Variants in CIMIP5 observed in about 807,000 individuals in gnomAD.
The protein encoded by CIMIP5 is uncharacterized protein C2orf50.
the CIMIP5 span, among the ~76,000 whole-genome samples, chr2:11,148,664 TAAC>T: frequency 2.9e-4 from 43 of 148,564 alleles, no homozygotes; most frequent in Admixed American, 6.0e-4. Flanking sequence ...TTAATAATAA[TAAC>T]AATAACAAAT....
chr2:11,149,716 T>G, the CIMIP5 span, among the ~76,000 whole-genome samples: 2 of 150,586 alleles, frequency 1.3e-5, no homozygotes, highest in Non-Finnish European at 2.9e-5. Context: ...CAAAAAAAAT[T>G]AATTAATTAA....
chr2:11,138,654 A>C, the CIMIP5 span, among the ~76,000 whole-genome samples: 1 of 152,076 alleles, frequency 6.6e-6, no homozygotes, highest in South Asian at 2.1e-4. Context: ...GCTTCTCATA[A>C]ATGGTTTATA....
the CIMIP5 span, among the ~76,000 whole-genome samples, chr2:11,150,651 T>A: frequency 6.6e-6 from 1 of 151,352 alleles, no homozygotes; most frequent in Non-Finnish European, 1.5e-5. Flanking sequence ...TTTTTTTTTT[T>A]AATGAAGGTG....
the CIMIP5 span, among the ~76,000 whole-genome samples, chr2:11,138,667 A>G: frequency 6.6e-6 from 1 of 152,104 alleles, no homozygotes; most frequent in Non-Finnish European, 1.5e-5. Context: ...GGTTTATACC[A>G]TCCCCATGGT....
At chr2:11,134,204 A>C in the CIMIP5 span, among the ~76,000 whole-genome samples, 1 of 131,086 alleles carries the variant, frequency 7.6e-6, no homozygotes, top group Non-Finnish European at 1.8e-5. Context: ...AAATAGGAGA[A>C]GGAGCCAAGA....
the CIMIP5 span, among the ~76,000 whole-genome samples, chr2:11,142,252 G>A: frequency 5.0e-5 from 5 of 99,762 alleles, no homozygotes. Flanking sequence ...GGCAACAAGA[G>A]CAAAATTCAG....
At chr2:11,144,686 G>A in the CIMIP5 span, 3 of 152,262 alleles carry the variant, frequency 2.0e-5, no homozygotes, top group South Asian at 6.2e-4. Context: ...AGTTTCTCAA[G>A]GCAGCCTGTA....
chr2:11,133,645 G>A, the CIMIP5 span: 1 of 1,546,524 alleles, frequency 6.5e-7, no homozygotes, highest in African/African-American at 1.4e-5. Context: ...ACTGCAAGTT[G>A]GGGAAGGTTT....
chr2:11,136,186 T>C, the CIMIP5 span, among the ~76,000 whole-genome samples: 3 of 152,358 alleles, frequency 2.0e-5, no homozygotes, highest in Admixed American at 1.3e-4. Flanking sequence ...GTGTGGCATA[T>C]CCATGGAATA....
At chr2:11,143,362 C>T in the CIMIP5 span, among the ~76,000 whole-genome samples, 2 of 151,954 alleles carry the variant, frequency 1.3e-5, no homozygotes, top group Admixed American at 6.6e-5. Context: ...CCAGGCAAAG[C>T]TAATGCGTGG....
the CIMIP5 span, among the ~76,000 whole-genome samples, chr2:11,138,355 A>G: frequency 3.3e-5 from 5 of 152,230 alleles, no homozygotes; most frequent in East Asian, 9.6e-4. Context: ...TGCACTCCTT[A>G]GTTCACCAGG....
At chr2:11,142,959 T>G in the CIMIP5 span, among the ~76,000 whole-genome samples, 3 of 152,144 alleles carry the variant, frequency 2.0e-5, no homozygotes, top group Admixed American at 6.6e-5. Flanking sequence ...CCGCCAAGGC[T>G]TCTCAAAGTG....
the CIMIP5 span, chr2:11,140,411 T>A: frequency 5.7e-6 from 4 of 696,546 alleles, no homozygotes; most frequent in Non-Finnish European, 4.6e-6. Context: ...ATTTAGTTCT[T>A]CCACGTGATA....
chr2:11,143,719 G>T, the CIMIP5 span, among the ~76,000 whole-genome samples: 1 of 152,164 alleles, frequency 6.6e-6, no homozygotes, highest in African/African-American at 2.4e-5. Flanking sequence ...CTGGGGAAGG[G>T]GAAGTGGAGG....
At chr2:11,133,213 C>T in the CIMIP5 span, 1 of 1,257,214 alleles carries the variant, frequency 8.0e-7, no homozygotes, top group African/African-American at 1.6e-5. Flanking sequence ...AGGACCCTGC[C>T]CAGGCTCTCC....
the CIMIP5 span, among the ~76,000 whole-genome samples, chr2:11,153,674 C>T: frequency 7.9e-5 from 12 of 152,182 alleles, no homozygotes; most frequent in African/African-American, 1.9e-4. Context: ...ACGCTGGGCG[C>T]GGTGGCTCAT....
chr2:11,149,674 TC>T, the CIMIP5 span, among the ~76,000 whole-genome samples: 1 of 151,942 alleles, frequency 6.6e-6, no homozygotes, highest in African/African-American at 2.4e-5. Context: ...ATCACTGCCT[TC>T]CAGCCTGGGT....
At chr2:11,153,143 C>T in the CIMIP5 span, among the ~76,000 whole-genome samples, 1 of 152,154 alleles carries the variant, frequency 6.6e-6, no homozygotes, top group Admixed American at 6.5e-5. Context: ...GGCCACACAC[C>T]CACATCACTG....
At chr2:11,137,532 A>G in the CIMIP5 span, among the ~76,000 whole-genome samples, 5 of 152,376 alleles carry the variant, frequency 3.3e-5, no homozygotes, top group South Asian at 1.0e-3. Flanking sequence ...ACGTAGAGAA[A>G]CTGAACAAGA....
Sources: allele counts gnomAD v4.1 joint callset (sites outside exome capture counted in the v4.1 genomes callset), GRCh38; gene constraint gnomAD v4.1.1; transcripts MANE v1.5; gene names NCBI Gene and HGNC (gene_info 2026-07-23, HGNC 2026-07-21).